The following ST3GAL3 variants were observed in gnomAD, a reference collection of about 807,000 sequenced individuals.
ST3GAL3 encodes CMP-N-acetylneuraminate-beta-1,4-galactoside alpha-2,3-sialyltransferase.
In ST3GAL3, 21 loss-of-function variants were observed where a neutral mutation model predicts 50.1. The observed-to-expected ratio is 0.42, with a 90% CI of 0.30 to 0.60. The LOEUF is 0.60. Among genes scored for constraint, ST3GAL3 ranks in the 20% least tolerant of loss-of-function variants. ST3GAL3 has a pLI of 0.19. For synonymous variants in ST3GAL3, 183 were observed against 190.0 expected, an observed-to-expected ratio of 0.96 and a Z score of 0.30; for missense variants, 353 against 489.4, an observed-to-expected ratio of 0.72 and a Z score of 2.63.
At chr1:43,743,029 G>T (rs962900717) in intron 2 of ST3GAL3, among the ~76,000 whole-genome samples, 2 of 150,394 alleles carry the variant, frequency 1.3e-5, no homozygotes, top group Non-Finnish European at 3.0e-5. Flanking sequence ...GGCGGAGCTT[G>T]CAGTGAGCCG....
chr1:43,735,657 A>G (rs1678086900), intron 1 of ST3GAL3, among the ~76,000 whole-genome samples: 1 of 152,206 alleles, frequency 6.6e-6, no homozygotes, highest in African/African-American at 2.4e-5. Context: ...GTGCGACTCT[A>G]AGCAAGGATC....
intron 1 of ST3GAL3, among the ~76,000 whole-genome samples, chr1:43,726,632 T>C (rs1673038685): frequency 6.6e-6 from 1 of 152,178 alleles, no homozygotes; most frequent in South Asian, 2.1e-4. Flanking sequence ...TCTTGTTTTC[T>C]TGTTCAGGCT....
chr1:43,739,664 A>G (rs915546648), intron 2 of ST3GAL3, among the ~76,000 whole-genome samples: 6 of 152,212 alleles, frequency 3.9e-5, no homozygotes, highest in Non-Finnish European at 8.8e-5. Context: ...CACAACAATT[A>G]TTATAATATA....
chr1:43,731,952 A>G (rs1421470104), intron 1 of ST3GAL3, among the ~76,000 whole-genome samples: 1 of 152,144 alleles, frequency 6.6e-6, no homozygotes, highest in African/African-American at 2.4e-5. Flanking sequence ...TGCTGGGATT[A>G]CAGGTATGAG....
rs2080917113 is a variant in ST3GAL3, at chr1:43,911,635, A to AGT, written c.745-8769_745-8768insGT. ...TCTACAGATATATCTATAGATATCT[A>AGT]TATCTATAGATATATCTGTAGCTAT... On this transcript the variant is annotated intron_variant, in intron 9 of 11. Coordinates refer to ENST00000347631, the MANE Select transcript of ST3GAL3 (RefSeq NM_006279.5). Among the ~76,000 whole-genome samples, 7 of 136,044 alleles carry AGT rather than the reference A, an allele frequency of 5.1e-5. 1 individual carries two copies. In the South Asian group the frequency reaches 1.6e-3, roughly 31 times the overall value. 89.3% of individuals were successfully genotyped at this position (136,044 alleles called of 152,430 possible).
At chr1:43,831,102 T>C (rs1009874092) in intron 4 of ST3GAL3, among the ~76,000 whole-genome samples, 4 of 152,250 alleles carry the variant, frequency 2.6e-5, no homozygotes, top group Admixed American at 6.5e-5. Flanking sequence ...AAACCAGTTG[T>C]GTCTTACCTG....
intron 5 of ST3GAL3, chr1:43,850,528 C>T: frequency 1.5e-6 from 1 of 671,584 alleles, no homozygotes; most frequent in South Asian, 1.4e-5. Context: ...GATGTCAGTG[C>T]TGGGTTCCCC....
intron 11 of ST3GAL3, among the ~76,000 whole-genome samples, chr1:43,926,028 C>T (rs1220606846): frequency 6.6e-6 from 1 of 152,076 alleles, no homozygotes; most frequent in Non-Finnish European, 1.5e-5. Context: ...AGATGTTGCT[C>T]GTGGTAAGGG....
At chr1:43,886,189 T>C (rs941729837) in intron 5 of ST3GAL3, among the ~76,000 whole-genome samples, 5 of 152,312 alleles carry the variant, frequency 3.3e-5, no homozygotes, top group Middle Eastern at 3.4e-3. Flanking sequence ...GAAACCAGCC[T>C]AGCCAACATG....
chr1:43,773,489 C>T (rs868816135), intron 2 of ST3GAL3, among the ~76,000 whole-genome samples: 8 of 152,190 alleles, frequency 5.3e-5, no homozygotes, highest in African/African-American at 1.7e-4. Flanking sequence ...TGATGATCAT[C>T]AAGATCCTGT....
At chr1:43,817,560 T>TCTTCCTTCTC (rs1558436435) in intron 4 of ST3GAL3, among the ~76,000 whole-genome samples, 1 of 52,912 alleles carries the variant, frequency 1.9e-5, no homozygotes, top group Non-Finnish European at 3.8e-5. Flanking sequence ...TTCTTCTCCT[T>TCTTCCTTCTC]CTTCCTTCTT....
intron 2 of ST3GAL3, among the ~76,000 whole-genome samples, chr1:43,746,928 A>G (rs548415304): frequency 2.3e-4 from 35 of 149,432 alleles, no homozygotes; most frequent in Admixed American, 6.7e-4. Context: ...ATGCCTGACT[A>G]ATTTTTTTTG....
At chr1:43,727,107 C>G (rs1673297743) in intron 1 of ST3GAL3, 1 of 152,032 alleles carries the variant, frequency 6.6e-6, no homozygotes, top group Non-Finnish European at 1.5e-5. Context: ...CAGTCTTTAT[C>G]TTGATGCTGA....
At chr1:43,736,734 G>A in intron 2 of ST3GAL3, 1 of 373,418 alleles carries the variant, frequency 2.7e-6, no homozygotes, top group South Asian at 2.2e-5. Flanking sequence ...TATTGCCTTA[G>A]GGATTAGTAT....
At chr1:43,734,300 TTTTTTTTG>T (rs1349333330) in intron 1 of ST3GAL3, among the ~76,000 whole-genome samples, 5 of 117,842 alleles carry the variant, frequency 4.2e-5, no homozygotes, top group African/African-American at 3.3e-5. Flanking sequence ...TCTTCTTCTT[TTTTTTTTG>T]TTTTTTTTTT....
chr1:43,919,747 T>C (rs1238932481), intron 9 of ST3GAL3: 1 of 154,174 alleles, frequency 6.5e-6, no homozygotes, highest in African/African-American at 2.4e-5. Context: ...GAATGGACAC[T>C]GGGATGTCGG....
At position 43,930,271 on chromosome 1, in the gene ST3GAL3, G is replaced by A. The variant is rs752185018; in HGVS notation, c.*50G>A. On this transcript the variant is annotated 3_prime_UTR_variant, in exon 12 of 12. Coordinates refer to ENST00000347631, the MANE Select transcript of ST3GAL3 (RefSeq NM_006279.5). ...GGCCCAGGCACCACCAGGAGCAGCA[G>A]CCAGCACCACCTACACAGGAGTCTT... 1.9e-6 allele frequency: 3 copies of A among 1,556,942 alleles called. No individual in the cohort carries two copies. Among genetic ancestry groups the A allele is most frequent in the Non-Finnish European group, 2.7e-6 (3 of 1,131,502 alleles).
chr1:43,773,174 GTTAA>G (rs897250404), intron 2 of ST3GAL3, among the ~76,000 whole-genome samples: 12 of 152,242 alleles, frequency 7.9e-5, no homozygotes, highest in African/African-American at 2.9e-4. Flanking sequence ...TGTAACTGTA[GTTAA>G]TTAATGCCTT....
intron 5 of ST3GAL3, chr1:43,850,542 C>T (rs1016735085): frequency 1.6e-5 from 11 of 687,604 alleles, no homozygotes; most frequent in East Asian, 8.9e-5. Flanking sequence ...GTTCCCCAGC[C>T]GCAGTCCACT....
Sources: gnomAD v4.1 joint callset for allele counts (sites outside exome capture counted in the v4.1 genomes callset) on GRCh38, gnomAD v4.1.1 for gene constraint, MANE v1.5 for transcripts, NCBI Gene and HGNC (gene_info 2026-07-23, HGNC 2026-07-21) for gene names.